The following ZNF600 variants were observed in gnomAD, a reference collection of about 807,000 sequenced individuals.
ZNF600 encodes zinc finger protein KR-ZNF1.
A neutral mutation model predicts 7.3 loss-of-function variants in ZNF600; 4 were observed. The ratio of observed to expected loss-of-function variants is 0.55; its 90% CI spans 0.27 to 1.25. The LOEUF is 1.25. Ranked by LOEUF, ZNF600 falls within the 50% of genes most tolerant of loss-of-function variation. The pLI is 0.12. For missense variants in ZNF600, 911 were observed against 922.1 expected, an observed-to-expected ratio of 0.99 and a Z score of 0.16; for synonymous variants, 290 against 308.9, an observed-to-expected ratio of 0.94 and a Z score of 0.64.
At chr19:52,777,780 G>C (rs935419820) in intron 2 of ZNF600, among the ~76,000 whole-genome samples, 1 of 152,026 alleles carries the variant, frequency 6.6e-6, no homozygotes, top group African/African-American at 2.4e-5. Context: ...AGTGAGCCGA[G>C]ATCATTCCAT....
chr19:52,799,965 C>T, the ZNF600 span: 2 of 1,613,098 alleles, frequency 1.2e-6, no homozygotes, highest in Non-Finnish European at 1.7e-6. Flanking sequence ...AGTATGAAGC[C>T]TACGATGGAT....
At chr19:52,822,316 A>C in the ZNF600 span, among the ~76,000 whole-genome samples, 742 of 151,890 alleles carry the variant, frequency 4.9e-3, 7 homozygotes, top group African/African-American at 0.017. Context: ...AAGTGATCCG[A>C]CTGCCTTGGC....
chr19:52,807,794 TACTTTACTTCTG>T, the ZNF600 span: 3 of 870,164 alleles, frequency 3.4e-6, no homozygotes, highest in Non-Finnish European at 5.0e-6. Context: ...GTTTTATGCC[TACTTTACTTCTG>T]GAAGCTCCAC....
chr19:52,779,081 G>C (rs888434076), intron 1 of ZNF600, among the ~76,000 whole-genome samples, 174 bp from the exon 4 acceptor site: 33 of 152,256 alleles, frequency 2.2e-4, no homozygotes, highest in African/African-American at 7.9e-4. Flanking sequence ...AAGTGTGTTT[G>C]ACCCCGGTCT....
chr19:52,811,621 G>T, the ZNF600 span, among the ~76,000 whole-genome samples: 1 of 142,992 alleles, frequency 7.0e-6, no homozygotes, highest in South Asian at 2.2e-4. Context: ...CTGCCCGGCC[G>T]CCCCGTCTGA....
At chr19:52,813,425 G>T in the ZNF600 span, among the ~76,000 whole-genome samples, 1 of 147,420 alleles carries the variant, frequency 6.8e-6, no homozygotes, top group African/African-American at 2.6e-5. Context: ...GCTGCTCCCC[G>T]TGTTTCCCTG....
At chr19:52,773,398 A>T (rs2062646848) in intron 3 of ZNF600, among the ~76,000 whole-genome samples, 1 of 152,222 alleles carries the variant, frequency 6.6e-6, no homozygotes, top group African/African-American at 2.4e-5. Flanking sequence ...CATCTCTTAA[A>T]TTAAATGCCT....
At chr19:52,830,633 G>A in the ZNF600 span, among the ~76,000 whole-genome samples, 1 of 152,008 alleles carries the variant, frequency 6.6e-6, no homozygotes, top group African/African-American at 2.4e-5. Context: ...TGCACACACT[G>A]ATTTAAGCAG....
At chr19:52,809,991 G>T in the ZNF600 span, 1 of 764,290 alleles carries the variant, frequency 1.3e-6, no homozygotes, top group Non-Finnish European at 2.3e-6. Context: ...TGAGGAACTG[G>T]AGCCTGAGGA....
chr19:52,827,676 C>A, the ZNF600 span, among the ~76,000 whole-genome samples: 1 of 151,930 alleles, frequency 6.6e-6, no homozygotes, highest in Admixed American at 6.6e-5. Context: ...TCCCGAGTAG[C>A]TGGGACTACA....
chr19:52,805,325 C>G, the ZNF600 span: 1 of 149,618 alleles, frequency 6.7e-6, no homozygotes, highest in Non-Finnish European at 1.5e-5. Context: ...AACCCACAAG[C>G]ATATATAAAG....
chr19:52,818,303 G>A, the ZNF600 span, among the ~76,000 whole-genome samples: 2 of 152,200 alleles, frequency 1.3e-5, no homozygotes, highest in African/African-American at 4.8e-5. Context: ...ATATGGTGGT[G>A]CGCATCTGTG....
At chr19:52,794,755 G>A in the ZNF600 span, among the ~76,000 whole-genome samples, 18 of 152,076 alleles carry the variant, frequency 1.2e-4, no homozygotes, top group African/African-American at 3.1e-4. Context: ...TTTGGGAGGC[G>A]GACTGGGGTG....
At chr19:52,828,407 C>T in the ZNF600 span, among the ~76,000 whole-genome samples, 5,085 of 152,038 alleles carry the variant, frequency 0.033, 101 homozygotes, top group Non-Finnish European at 0.042. Flanking sequence ...GCAGAAGTTG[C>T]GCTGAGCCGA....
At chr19:52,799,382 A>T in the ZNF600 span, 1 of 597,182 alleles carries the variant, frequency 1.7e-6, no homozygotes, top group Non-Finnish European at 3.0e-6. Context: ...GCATTTTCTT[A>T]TGTGTTTCAA....
chr19:52,814,326 C>G, the ZNF600 span: 20 of 146,404 alleles, frequency 1.4e-4, 4 homozygotes, highest in African/African-American at 2.7e-4. Context: ...CATGATGGCT[C>G]GTGTCTGTAA....
intron 2 of ZNF600, among the ~76,000 whole-genome samples, chr19:52,776,378 C>T (rs1231909822): frequency 4.6e-5 from 7 of 151,854 alleles, no homozygotes; most frequent in African/African-American, 1.7e-4. Flanking sequence ...TGAATGGACA[C>T]ACACAGGCAT....
chr19:52,823,213 T>TTG, the ZNF600 span, among the ~76,000 whole-genome samples: 978 of 152,224 alleles, frequency 6.4e-3, 11 homozygotes, highest in African/African-American at 0.021. Flanking sequence ...TTGTTTTGTT[T>TTG]TGTTTTGGTT....
At chr19:52,778,790 A>G in intron 2 of ZNF600, 36 bp downstream of exon 4, 1 of 1,581,218 alleles carries the variant, frequency 6.3e-7, no homozygotes, top group East Asian at 2.2e-5. Flanking sequence ...CAGAAAGGAA[A>G]GAGACAGATT....
Sources: gnomAD v4.1 joint callset for allele counts (sites outside exome capture counted in the v4.1 genomes callset) on GRCh38, gnomAD v4.1.1 for gene constraint, MANE v1.5 for transcripts, NCBI Gene and HGNC (gene_info 2026-07-23, HGNC 2026-07-21) for gene names.